The following PPFIBP2 variants were observed in gnomAD, a reference collection of about 807,000 sequenced individuals.
PPFIBP2 encodes the protein PPFIB scaffold protein 2.
Under a neutral mutation model 118.3 loss-of-function variants are expected in PPFIBP2, and 118 were observed. The observed-to-expected ratio is 1.00, with a 90% CI of 0.86 to 1.16. The LOEUF (loss-of-function observed/expected upper bound fraction) is 1.16, where lower values mean the gene tolerates loss of function less well. Among genes scored for constraint, PPFIBP2 ranks in the 50% most tolerant of loss-of-function variants. PPFIBP2 has a pLI of 0.00. For synonymous variants in PPFIBP2, 414 were observed against 397.4 expected (o/e 1.04, Z -0.50); for missense variants, 1,195 against 1,073.1 (o/e 1.11, Z -1.59).
chr11:7,593,674 A>T (rs757682265), intron 4 of PPFIBP2, among the ~76,000 whole-genome samples: 1 of 152,196 alleles, frequency 6.6e-6, no homozygotes, highest in Non-Finnish European at 1.5e-5. Context: ...CTGGATCTAG[A>T]CTGATCCCTT....
At chr11:7,656,399 C>A (rs962661764), downstream of PPFIBP2, among the ~76,000 whole-genome samples, 21 of 152,200 alleles carry the variant, frequency 1.4e-4, no homozygotes, top group Non-Finnish European at 3.1e-4. Context: ...AGGAAAGTCT[C>A]CCTGACTCCA....
In PPFIBP2 at chr11:7,614,237, A is replaced by T. The variant is rs560279378; in HGVS notation, c.618+3815A>T. ...GGTATATAGCAAAAGGTCTCTTTCA[A>T]CACCTGTCCTCCAGTCAGCAGTCAG... is the stretch of plus-strand genomic sequence containing the variant. On this transcript the variant is annotated intron_variant, in intron 6 of 23. Coordinates refer to ENST00000299492, the MANE Select transcript of PPFIBP2 (RefSeq NM_003621.5). 7.9e-5 allele frequency among the ~76,000 whole-genome samples: 12 copies of T among 152,332 alleles called. No homozygotes were observed. The South Asian group carries it at 2.5e-3, about 32-fold the overall frequency.
intron 2 of PPFIBP2, among the ~76,000 whole-genome samples, chr11:7,560,520 C>A (rs973918368): frequency 2.0e-5 from 3 of 152,128 alleles, no homozygotes; most frequent in African/African-American, 4.8e-5. Context: ...CATATTCTTT[C>A]TTTCAGAAGT....
chr11:7,643,145 G>C (rs1262885503), intron 17 of PPFIBP2, among the ~76,000 whole-genome samples: 2 of 152,202 alleles, frequency 1.3e-5, no homozygotes, highest in African/African-American at 4.8e-5. Context: ...TAGAAAGTGA[G>C]CCAGGGAAAG....
the PPFIBP2 span, chr11:7,666,152 G>C: frequency 6.6e-6 from 4 of 602,064 alleles, no homozygotes; most frequent in Non-Finnish European, 1.2e-5. Context: ...GTATGTGATG[G>C]CTGTGTGGAA....
Position 7,653,183 on chromosome 11 carries a change from C to T in PPFIBP2, c.2596C>T (p.Leu866=), listed in dbSNP as rs1854315949. Residue 866 remains leucine (L), a synonymous_variant, in exon 24 of 24, where the codon CTG becomes TTG. Coordinates refer to ENST00000299492, the MANE Select transcript of PPFIBP2 (RefSeq NM_003621.5). ...CCTCAGCCCCCTTGATGCCCCTGAA[C>T]TGGATGGGCTGGACCAGGTGGGACA... ...RGLSPLDAPE[L]DGLDQVGQIS The T allele has an allele frequency of 6.2e-7, 1 of 1,614,052 alleles. No individual in the cohort carries two copies. Among genetic ancestry groups the T allele is most frequent in the Non-Finnish European group, 8.5e-7 (1 of 1,180,038 alleles).
chr11:7,641,826 C>T (rs1852240661), intron 16 of PPFIBP2: 1 of 595,498 alleles, frequency 1.7e-6, no homozygotes, highest in East Asian at 2.9e-5. Flanking sequence ...ATCCAGTTGC[C>T]TTTCATGTCA....
At chr11:7,609,355 C>T (rs1393764214) in intron 5 of PPFIBP2, among the ~76,000 whole-genome samples, 1 of 152,196 alleles carries the variant, frequency 6.6e-6, no homozygotes, top group Admixed American at 6.5e-5. Flanking sequence ...GTCTATTCTC[C>T]TTGCCACAAC....
intron 3 of PPFIBP2, among the ~76,000 whole-genome samples, chr11:7,566,054 CA>C (rs200160288): frequency 0.036 from 5,428 of 152,220 alleles, 130 homozygotes; most frequent in African/African-American, 0.056. Context: ...CACACACACA[CA>C]CACCCTCGAA....
At chr11:7,518,790 T>C (rs939905696) in intron 1 of PPFIBP2, among the ~76,000 whole-genome samples, 1 of 152,200 alleles carries the variant, frequency 6.6e-6, no homozygotes, top group African/African-American at 2.4e-5. Context: ...TACCTTCAGC[T>C]CTTGCTACTT....
rs192299658 is a variant in PPFIBP2, at chr11:7,626,382, A to G, written c.826+491A>G. Reference sequence around the variant, plus strand: ...AGATTTCAAATCTTACTTCTCAGAAAGACCTTTCTTGGCCACCCTAACTCA... The same window carrying G: ...AGATTTCAAATCTTACTTCTCAGAAGGACCTTTCTTGGCCACCCTAACTCA... On this transcript the variant is annotated intron_variant, in intron 8 of 23. Transcript: ENST00000299492. Among the ~76,000 whole-genome samples the G allele has an allele frequency of 2.6e-5, 4 of 152,350 alleles. No individual in the cohort carries two copies. In the East Asian group the frequency reaches 7.7e-4, roughly 29 times the overall value.
Position 7,621,045 on chromosome 11 carries a change from T to C in PPFIBP2, c.711+18T>C. 1 of 1,561,318 alleles carries C rather than the reference T, an allele frequency of 6.4e-7. No individual in the cohort carries two copies. The highest frequency in any genetic ancestry group is 8.8e-7 in the Non-Finnish European group (1 of 1,132,028). On this transcript the variant is annotated intron_variant, in intron 7 of 23. Transcript: ENST00000299492. ...CCACTAAGGTAAACGGCACTCCTGA[T>C]GCTTATGGAGAGAGTATGAGGGCCT...
chr11:7,578,239 G>C (rs1856746949), intron 3 of PPFIBP2, among the ~76,000 whole-genome samples: 1 of 152,206 alleles, frequency 6.6e-6, no homozygotes, highest in Non-Finnish European at 1.5e-5. Flanking sequence ...TTGGGGGCTG[G>C]AGTAGCATCA....
chr11:7,663,219 G>A, the PPFIBP2 span, among the ~76,000 whole-genome samples: 3 of 133,000 alleles, frequency 2.3e-5, no homozygotes, highest in South Asian at 2.6e-4. Flanking sequence ...AGGAGGAGAG[G>A]CGCTCTGCTT....
chr11:7,648,959 G>A (rs764447411), intron 19 of PPFIBP2, 48 bp downstream of exon 19: 1 of 1,531,062 alleles, frequency 6.5e-7, no homozygotes, highest in Admixed American at 1.7e-5. Context: ...CAGCAACTAA[G>A]AGTAGAAAGA....
rs895373697 is a variant in PPFIBP2, at chr11:7,616,165, C to T, written c.619-4770C>T. On this transcript the variant is annotated intron_variant, in intron 6 of 23. Coordinates refer to ENST00000299492, the MANE Select transcript of PPFIBP2 (RefSeq NM_003621.5). This position sits in a 1 kb window ranked among gnomAD's most constrained non-coding sequence, Gnocchi z 5.2. ...ATACACACGCACACACAAACACCCACACACAGTTATGTTCTTAAAAAGAAA... is the reference window on the plus strand; with the variant it reads ...ATACACACGCACACACAAACACCCATACACAGTTATGTTCTTAAAAAGAAA... Among the ~76,000 whole-genome samples, 6 of 152,262 alleles carry T rather than the reference C, an allele frequency of 3.9e-5. No homozygotes were observed. The East Asian group carries it at 5.8e-4, about 15-fold the overall frequency.
rs1374934003 is a variant in PPFIBP2 at position 7,653,094 on chromosome 11, T to G, written c.2507T>G (p.Ile836Ser). 5.6e-6 allele frequency: 9 copies of G among 1,614,136 alleles called. No individual in the cohort carries two copies. The highest frequency in any genetic ancestry group is 7.6e-6 in the Non-Finnish European group (9 of 1,179,952). Residue 836 changes from isoleucine (I) to serine (S), a missense_variant, in exon 24 of 24, where the codon ATT (isoleucine) becomes AGT (serine). By Grantham distance (142) the Ile-to-Ser change is moderately radical (BLOSUM62 -2). Coordinates refer to ENST00000299492, the MANE Select transcript of PPFIBP2 (RefSeq NM_003621.5). ...KKKFDESTDY[I>S]CPMEPSDGVS... is the part of the protein sequence containing the mutation. The stretch of plus-strand genomic sequence containing the variant: ...AAGTTCGATGAATCGACGGACTACA[T>G]TTGCCCAATGGAGCCCAGTGACGGT...
rs183054097 is a variant in PPFIBP2 at position 7,574,742 on chromosome 11, T to C, written c.279+8975T>C. 7.9e-5 allele frequency among the ~76,000 whole-genome samples: 12 copies of C among 152,040 alleles called. No individual in the cohort carries two copies. The East Asian group carries it at 2.3e-3, about 30-fold the overall frequency. The stretch of plus-strand genomic sequence containing the variant: ...GGGGTGGGGTGAGTGAGCGAGGAGG[T>C]GCCTTAGCTTCTGAATCCATCCCAT... On this transcript the variant is annotated intron_variant, in intron 3 of 23. Coordinates refer to ENST00000299492, the MANE Select transcript of PPFIBP2 (RefSeq NM_003621.5).
chr11:7,651,816 C>T lies in PPFIBP2; in HGVS notation c.2408C>T (p.Thr803Ile), dbSNP rs1241792659. 1.2e-6 allele frequency: 2 copies of T among 1,612,144 alleles called. No homozygotes were observed. The highest frequency in any genetic ancestry group is 1.7e-6 in the Non-Finnish European group (2 of 1,178,392). The change falls in exon 23 of 24, where the codon ACA becomes ATA. Residue 803 changes from threonine (T) to isoleucine (I), a missense_variant. By Grantham distance (89) the Thr-to-Ile change is moderately conservative. Coordinates refer to ENST00000299492, the MANE Select transcript of PPFIBP2 (RefSeq NM_003621.5). ...GAGAAAATGGCCTCACCAGCTTACACACCACTGACCACCACAGCCAAAGTC... is the reference window on the plus strand; with the variant it reads ...GAGAAAATGGCCTCACCAGCTTACATACCACTGACCACCACAGCCAAAGTC... ...KREKMASPAYTPLTTTAKVRP... is the reference protein window; with the variant it reads ...KREKMASPAYIPLTTTAKVRP...
Sources: gnomAD v4.1 joint callset for allele counts (sites outside exome capture counted in the v4.1 genomes callset) on GRCh38, gnomAD v4.1.1 for gene constraint, Gnocchi (gnomAD v3.1) non-coding constraint, MANE v1.5 for transcripts, NCBI Gene and HGNC (gene_info 2026-07-23, HGNC 2026-07-21) for gene names.